Variants in FAM20C observed in about 807,000 individuals in gnomAD.
FAM20C encodes the protein FAM20C golgi associated secretory pathway kinase.
FAM20C carries 40 observed loss-of-function variants against 51.5 expected under a neutral mutation model. The ratio of observed to expected loss-of-function variants is 0.78; its 90% CI spans 0.60 to 1.01. The LOEUF is 1.01. Among genes scored for constraint, FAM20C ranks in the 50% least tolerant of loss-of-function variants. The pLI is 0.00. For missense variants in FAM20C, 861 were observed against 844.7 expected, an observed-to-expected ratio of 1.02 and a Z score of -0.24; for synonymous variants, 406 against 380.6, an observed-to-expected ratio of 1.07 and a Z score of -0.78.
intron 3 of FAM20C, among the ~76,000 whole-genome samples, chr7:242,974 C>G (rs1414815037): frequency 6.6e-6 from 1 of 152,032 alleles, no homozygotes; most frequent in Non-Finnish European, 1.5e-5. Context: ...ACCTGTGCCA[C>G]CCGGGATACC....
At chr7:209,196 C>T (rs555659432) in intron 3 of FAM20C, among the ~76,000 whole-genome samples, 4 of 152,164 alleles carry the variant, frequency 2.6e-5, no homozygotes, top group Admixed American at 6.5e-5. Flanking sequence ...TTTTATAGGA[C>T]GGAAAACCTA....
intron 3 of FAM20C, among the ~76,000 whole-genome samples, chr7:222,407 C>T (rs537684122): frequency 6.4e-4 from 97 of 152,228 alleles, no homozygotes; most frequent in Non-Finnish European, 9.9e-4. Flanking sequence ...GGTCCCCAGA[C>T]TTGCAGGCCC....
chr7:215,185 G>A (rs796692003), intron 3 of FAM20C, among the ~76,000 whole-genome samples: 4 of 151,238 alleles, frequency 2.6e-5, no homozygotes, highest in African/African-American at 9.7e-5. Flanking sequence ...AAGAGGCGGA[G>A]TGAGCGAGTG....
chr7:193,762 G>C lies in FAM20C; in HGVS notation c.563G>C (p.Ser188Thr). The C allele has an allele frequency of 6.4e-7, 1 of 1,550,574 alleles. No individual in the cohort carries two copies. The highest frequency in any genetic ancestry group is 8.7e-7 in the Non-Finnish European group (1 of 1,147,190). The stretch of plus-strand genomic sequence containing the variant: ...GAGGACGTCCTGTTCAATGTGAACA[G>C]CGACACCAGGCTCAGCCCCAAAGCG... Reference protein sequence around the residue: ...TEEDVLFNVNSDTRLSPKAAE... With the variant: ...TEEDVLFNVNTDTRLSPKAAE... The change falls in exon 1 of 10, where the codon AGC (serine) becomes ACC (threonine). Residue 188 changes from serine to threonine, a missense_variant. Ser to Thr is a moderately conservative substitution (Grantham distance 58). Coordinates refer to ENST00000313766, the MANE Select transcript of FAM20C (RefSeq NM_020223.4).
intron 3 of FAM20C, among the ~76,000 whole-genome samples, chr7:218,675 A>G (rs536618505): frequency 1.3e-5 from 2 of 152,266 alleles, no homozygotes; most frequent in East Asian, 3.9e-4. Flanking sequence ...TCACTCCTCC[A>G]TCCCAGGGCT....
At chr7:237,587 G>T (rs1787884723) in intron 3 of FAM20C, among the ~76,000 whole-genome samples, 1 of 152,090 alleles carries the variant, frequency 6.6e-6, no homozygotes, top group East Asian at 1.9e-4. Flanking sequence ...GGTGATAGTG[G>T]TGATGATGAT....
intron 2 of FAM20C, 77 bp downstream of exon 2, chr7:195,809 G>A: frequency 7.4e-7 from 1 of 1,357,312 alleles, no homozygotes; most frequent in African/African-American, 1.5e-5. Context: ...CAGGCTATGT[G>A]TTAGAGAGGT....
In FAM20C at chr7:206,741, GTGCTCAC is replaced by G. The variant is rs1262529841; in HGVS notation, c.785-2154_785-2148del. ...TCATGGTCCCCTCGGCCCCGCACAC[GTGCTCAC>G]TGTCCACTGTGACGCGTCTGTCACG... On this transcript the variant is annotated intron_variant, in intron 2 of 9. Coordinates refer to ENST00000313766, the MANE Select transcript of FAM20C (RefSeq NM_020223.4). 8.0e-3 allele frequency among the ~76,000 whole-genome samples: 688 copies of G among 86,430 alleles called. 36 individuals carry two copies. The highest frequency in any genetic ancestry group is 8.9e-3 in the African/African-American group (183 of 20,624). 56.7% of individuals were successfully genotyped at this position (86,430 alleles called of 152,430 possible).
At chr7:217,384 G>C (rs953502611) in intron 3 of FAM20C, among the ~76,000 whole-genome samples, 117 of 151,710 alleles carry the variant, frequency 7.7e-4, no homozygotes, top group African/African-American at 2.7e-3. Context: ...GGCTGTGGGT[G>C]AGCTCCAGCC....
At chr7:242,364 C>T (rs1018116547) in intron 3 of FAM20C, among the ~76,000 whole-genome samples, 32 of 148,492 alleles carry the variant, frequency 2.2e-4, no homozygotes, top group Non-Finnish European at 4.0e-4. Flanking sequence ...CTTGTGTGTA[C>T]AGGGCAAGGG....
At chr7:258,937 A>G (rs1396382153) in intron 9 of FAM20C, among the ~76,000 whole-genome samples, 1 of 151,914 alleles carries the variant, frequency 6.6e-6, no homozygotes, top group African/African-American at 2.4e-5. Flanking sequence ...TCGGGCCTCC[A>G]CTCTGTGTCC....
chr7:258,823 C>A, intron 9 of FAM20C, 118 bp downstream of exon 9: 2 of 1,021,968 alleles, frequency 2.0e-6, no homozygotes, highest in Admixed American at 5.5e-5. Flanking sequence ...GAAAAGGCCC[C>A]GAATTCAACC....
At chr7:229,294 G>C (rs543888690) in intron 3 of FAM20C, 1 of 213,426 alleles carries the variant, frequency 4.7e-6, no homozygotes, top group South Asian at 8.3e-5. Context: ...ATGTGTTCTG[G>C]CTGGTGTATA....
intron 5 of FAM20C, among the ~76,000 whole-genome samples, chr7:255,439 G>A (rs1788554189): frequency 6.6e-6 from 1 of 152,202 alleles, no homozygotes; most frequent in Non-Finnish European, 1.5e-5. Context: ...TTTTGTGATT[G>A]AGTGATGAGA....
intron 3 of FAM20C, among the ~76,000 whole-genome samples, chr7:218,785 CGGCCGGG>C (rs1787118279): frequency 6.6e-6 from 1 of 152,002 alleles, no homozygotes; most frequent in African/African-American, 2.4e-5. Context: ...CACTCCCGTC[CGGCCGGG>C]AGCTGACACG....
At position 225,867 on chromosome 7, in the gene FAM20C, T is replaced by C. The variant is rs112925645; in HGVS notation, c.863+16891T>C. Among the ~76,000 whole-genome samples the C allele has an allele frequency of 2.9e-3, 12 of 4,162 alleles. 1 individual carries two copies. Among genetic ancestry groups the C allele is most frequent in the African/African-American group, 3.6e-3 (3 of 828 alleles). 2.7% of individuals were successfully genotyped at this position (4,162 alleles called of 152,430 possible). On this transcript the variant is annotated intron_variant, in intron 3 of 9. Coordinates refer to ENST00000313766, the MANE Select transcript of FAM20C (RefSeq NM_020223.4). ...GAATGGCACCGTCACGGGGGTCGCA[T>C]GGCGGCTGTCCCCTGAGTCTTCTCT...
intron 4 of FAM20C, among the ~76,000 whole-genome samples, chr7:248,079 A>G (rs765715038): frequency 6.6e-6 from 1 of 152,188 alleles, no homozygotes; most frequent in Non-Finnish European, 1.5e-5. Flanking sequence ...CTGTGTGCCC[A>G]TCAGTGAGGC....
intron 5 of FAM20C, among the ~76,000 whole-genome samples, chr7:252,656 GA>G (rs1788446246): frequency 6.6e-6 from 1 of 152,208 alleles, no homozygotes; most frequent in Non-Finnish European, 1.5e-5. Context: ...GAGGGGGCGA[GA>G]GGTGGCCAAG....
intron 3 of FAM20C, among the ~76,000 whole-genome samples, chr7:243,146 TGTGCC>T (rs1170731362): frequency 5.5e-4 from 28 of 50,470 alleles, no homozygotes; most frequent in Non-Finnish European, 6.6e-4. Context: ...CCGGGAGACC[TGTGCC>T]ACCCAAGAGA....
Sources: gnomAD v4.1 joint callset for allele counts (sites outside exome capture counted in the v4.1 genomes callset) on GRCh38, gnomAD v4.1.1 for gene constraint, MANE v1.5 for transcripts, NCBI Gene and HGNC (gene_info 2026-07-23, HGNC 2026-07-21) for gene names.